The following PNMA8A variants were observed in gnomAD, a reference collection of about 807,000 sequenced individuals.
PNMA8A encodes the protein PNMA family member 8A.
In PNMA8A, 17 loss-of-function variants were observed where a neutral mutation model predicts 26.6. That is an observed-to-expected ratio of 0.64 (90% confidence interval 0.44 to 0.96). PNMA8A has a LOEUF of 0.96. PNMA8A is among the 40% of genes least tolerant of loss of function. The probability of loss-of-function intolerance (pLI) is 0.00; values close to 1 mark genes in which losing one functional copy is unlikely to be tolerated. For missense variants in PNMA8A, 532 were observed against 488.4 expected, an observed-to-expected ratio of 1.09 and a Z score of -0.84; for synonymous variants, 224 against 182.0, an observed-to-expected ratio of 1.23 and a Z score of -1.86.
rs760337865 is a variant in PNMA8A at position 46,470,126 on chromosome 19, T to C, written c.910A>G (p.Lys304Glu). The C allele has an allele frequency of 4.7e-5, 76 of 1,609,504 alleles. No individual in the cohort carries two copies. The highest frequency in any genetic ancestry group is 4.8e-5 in the Non-Finnish European group (56 of 1,178,152). The change falls in exon 2 of 3, where the codon AAG (lysine) becomes GAG (glutamate). Residue 304 changes from lysine (K) to glutamate (E), a missense_variant. By Grantham distance (56) the Lys-to-Glu change is moderately conservative. Coordinates refer to ENST00000313683, the MANE Select transcript of PNMA8A (RefSeq NM_018215.4). Reference protein sequence around the residue: ...PCVNKEELALKKPMAKCAWKG... With the variant: ...PCVNKEELALEKPMAKCAWKG... ...CAGGCACATTTCGCCATGGGCTTCT[T>C]CAAAGCCAACTCCTCCTTATTCACA...
In PNMA8A at chr19:46,466,674, A is replaced by G. The variant is rs1285216375; in HGVS notation, c.*1887T>C. On this transcript the variant is annotated 3_prime_UTR_variant, in exon 3 of 3. Transcript: ENST00000313683. ...CACCCCTGGGTTTCGCTTGGCACACACCCCAGGAGAACGTCGATGCACACA... is the reference window on the plus strand; with the variant it reads ...CACCCCTGGGTTTCGCTTGGCACACGCCCCAGGAGAACGTCGATGCACACA... The G allele has an allele frequency of 6.6e-6, 1 of 152,018 alleles. No homozygotes were observed. Among genetic ancestry groups the G allele is most frequent in the Non-Finnish European group, 1.5e-5 (1 of 68,010 alleles). The allele number at this position is 152,018 out of a possible 1,614,324, so 9.4% of individuals were successfully genotyped here.
rs770925641 is a variant in PNMA8A at position 46,470,170 on chromosome 19, T to C, written c.866A>G (p.Lys289Arg). Residue 289 changes from lysine (K) to arginine (R), a missense_variant, in exon 2 of 3, where the codon AAG becomes AGG. By Grantham distance (26) the Lys-to-Arg change is conservative. Coordinates refer to ENST00000313683, the MANE Select transcript of PNMA8A (RefSeq NM_018215.4). The part of the protein sequence containing the change: ...AESMAISEPI[K>R]GSRKPCVNKE... ...ATTCACACAGGGCTTTCTGCTGCCC[T>C]TGATCGGCTCTGAGATCGCCATGCT... 1.9e-6 allele frequency: 3 copies of C among 1,614,176 alleles called. No homozygotes were observed. Among genetic ancestry groups the C allele is most frequent in the South Asian group, 2.2e-5 (2 of 91,074 alleles).
chr19:46,469,962 G>T lies in PNMA8A; in HGVS notation c.1074C>A (p.Pro358=). 1 of 1,613,516 alleles carries T rather than the reference G, an allele frequency of 6.2e-7. No individual in the cohort carries two copies. Among genetic ancestry groups the T allele is most frequent in the Non-Finnish European group, 8.5e-7 (1 of 1,179,780 alleles). ...CCTTCTTCTTCTTCCTCATGGGAGC[G>T]GGGTTCTTGGCAGACACCCAGGCCA... ...KAVAWVSAKN[P]APMRKKKKVS... Residue 358 remains proline, a synonymous_variant, in exon 2 of 3, where the codon CCC becomes CCA. Transcript: ENST00000313683.
rs1166618960 is a variant in PNMA8A, at chr19:46,471,107, C to G, written c.-72G>C. ...GACGTGGGCTGCAGCGGTCTCCAAA[C>G]AGTAATCCTGCAAGGTGACAAGGGA... On this transcript the variant is annotated 5_prime_UTR_variant, in exon 2 of 3. Coordinates refer to ENST00000313683, the MANE Select transcript of PNMA8A (RefSeq NM_018215.4). 2 of 667,710 alleles carry G rather than the reference C, an allele frequency of 3.0e-6. No individual in the cohort carries two copies. The highest frequency in any genetic ancestry group is 5.4e-6 in the Non-Finnish European group (2 of 367,452). 41.4% of individuals were successfully genotyped at this position (667,710 alleles called of 1,614,324 possible).
Position 46,470,043 on chromosome 19 carries a change from G to GCCTCCTCCTGGCGCCT in PNMA8A, c.992_993insAGGCGCCAGGAGGAGG (p.Ala332GlyfsTer8). 6.3e-7 allele frequency: 1 copy of GCCTCCTCCTGGCGCCT among 1,594,386 alleles called. No homozygotes were observed. The highest frequency in any genetic ancestry group is 1.1e-5 in the South Asian group (1 of 87,416). On this transcript the variant is annotated frameshift_variant, in exon 2 of 3. Coordinates refer to ENST00000313683, the MANE Select transcript of PNMA8A (RefSeq NM_018215.4). LOFTEE classifies it high-confidence loss of function. ...CACCATCTTGGTCTGACTCAGAGGC[G>GCCTCCTCCTGGCGCCT]CCTCCTGGGCTCTCGGCTTCTGCCC...
At chr19:46,468,848 C>T (rs1969743562) in intron 2 of PNMA8A, among the ~76,000 whole-genome samples, 1 of 152,122 alleles carries the variant, frequency 6.6e-6, no homozygotes, top group Non-Finnish European at 1.5e-5. Flanking sequence ...CTCCACCTCC[C>T]AGGTTCAGGG....
chr19:46,469,565 CCCT>C (rs1476160578), intron 2 of PNMA8A, among the ~76,000 whole-genome samples, 165 bp downstream of exon 2: 2 of 152,258 alleles, frequency 1.3e-5, no homozygotes, highest in East Asian at 3.9e-4. Context: ...TGGGCTCTTA[CCCT>C]CCTCAACTGG....
intron 1 of PNMA8A, 78 bp downstream of exon 1, chr19:46,471,259 C>G (rs1183432394): frequency 1.9e-5 from 9 of 465,404 alleles, no homozygotes; most frequent in Non-Finnish European, 3.4e-5. Flanking sequence ...GGTGCTCACA[C>G]GTGTCCCTGA....
rs1398117211 is a variant in PNMA8A at position 46,470,084 on chromosome 19, G to A, written c.952C>T (p.Pro318Ser). 8 of 1,592,712 alleles carry A rather than the reference G, an allele frequency of 5.0e-6. No individual in the cohort carries two copies. The South Asian group carries it at 9.2e-5, about 18-fold the overall frequency. The stretch of plus-strand genomic sequence containing the variant: ...GCTTCTGCCCGGGCATCCTGAGGTG[G>A]CTCTCTGGGACCCTTCCAGGCACAT... ...AKCAWKGPRE[P>S]PQDARAEAES... is the part of the protein sequence containing the mutation. Residue 318 changes from proline (P) to serine (S), a missense_variant, in exon 2 of 3, where the codon CCA becomes TCA. Physicochemically the swap from Pro to Ser is moderately conservative, Grantham distance 74 (BLOSUM62 -1). Coordinates refer to ENST00000313683, the MANE Select transcript of PNMA8A (RefSeq NM_018215.4).
rs1179705472 is a variant in PNMA8A, at chr19:46,468,158, C to G, written c.*403G>C. The G allele has an allele frequency of 1.1e-5, 2 of 184,666 alleles. No individual in the cohort carries two copies. Among genetic ancestry groups the G allele is most frequent in the African/African-American group, 4.7e-5 (2 of 42,868 alleles). 11.4% of individuals were successfully genotyped at this position (184,666 alleles called of 1,614,324 possible). On this transcript the variant is annotated 3_prime_UTR_variant, in exon 3 of 3. Transcript: ENST00000313683. ...CAGGGCCACCCAGCTCTTCCAAATG[C>G]CAGGGCCTGCAGAGGTCGCTGACCA...
rs116692630 is a variant in PNMA8A at position 46,470,268 on chromosome 19, G to A, written c.768C>T (p.Pro256=). 301 of 1,613,808 alleles carry A rather than the reference G, an allele frequency of 1.9e-4. 1 individual carries two copies. The highest frequency in any genetic ancestry group is 1.6e-3 in the South Asian group (150 of 91,080). ...QKKNSRQEAV[P]WKKPKGINSN... ...AATTGATGCCTTTGGGTTTTTTCCA[G>A]GGCACTGCTTCCTGCCTGGAGTTCT... The change falls in exon 2 of 3, where the codon CCC becomes CCT. Residue 256 remains proline, a synonymous_variant. Coordinates refer to ENST00000313683, the MANE Select transcript of PNMA8A (RefSeq NM_018215.4).
Position 46,470,873 on chromosome 19 carries a change from C to T in PNMA8A, c.163G>A (p.Val55Met), listed in dbSNP as rs746016761. The T allele has an allele frequency of 9.0e-6, 7 of 781,080 alleles. No individual in the cohort carries two copies. The highest frequency in any genetic ancestry group is 1.7e-5 in the Non-Finnish European group (7 of 418,172). The allele number at this position is 781,080 out of a possible 1,614,324, so 48.4% of individuals were successfully genotyped here. The change falls in exon 2 of 3, where the codon GTG becomes ATG. Residue 55 changes from valine to methionine, a missense_variant. Physicochemically the swap from Val to Met is conservative, Grantham distance 21. Transcript: ENST00000313683. ...TCCCTCACAAAAATCTTGTTGAGCA[C>T]GCGGTACGGGCCCAGTGGGGAGAGG... ...GVLSPLGPYRVLNKIFVREEN... is the reference protein window; with the variant it reads ...GVLSPLGPYRMLNKIFVREEN...
chr19:46,470,828 G>C lies in PNMA8A; in HGVS notation c.208C>G (p.Leu70Val), dbSNP rs767071991. The change falls in exon 2 of 3, where the codon CTC (leucine) becomes GTC (valine). Residue 70 changes from leucine to valine, a missense_variant. Coordinates refer to ENST00000313683, the MANE Select transcript of PNMA8A (RefSeq NM_018215.4). Reference protein sequence around the residue: ...FVREENVKAALIEVGEGVNLS... With the variant: ...FVREENVKAAVIEVGEGVNLS... ...TTCACACCTTCACCAACCTCAATGA[G>C]GGCAGCTTTAACATTCTCTTCCCTC... The C allele has an allele frequency of 3.8e-6, 3 of 781,252 alleles. No homozygotes were observed. Among genetic ancestry groups the C allele is most frequent in the Non-Finnish European group, 7.2e-6 (3 of 418,438 alleles). The allele number at this position is 781,252 out of a possible 1,614,324, so 48.4% of individuals were successfully genotyped here.
Position 46,469,841 on chromosome 19 carries a change from C to G in PNMA8A, c.1195G>C (p.Ala399Pro). The G allele has an allele frequency of 6.2e-7, 1 of 1,614,256 alleles. No individual in the cohort carries two copies. The highest frequency in any genetic ancestry group is 8.5e-7 in the Non-Finnish European group (1 of 1,180,048). Residue 399 changes from alanine (A) to proline (P), a missense_variant, in exon 2 of 3, where the codon GCA (alanine) becomes CCA (proline). Transcript: ENST00000313683. The part of the protein sequence containing the change: ...PKKGPGSRRE[A>P]SDQKAPRGQQ... ...CCCCGAGGGGCCTTCTGATCTGATG[C>G]CTCCCTTCTTGAGCCTGGCCCTTTC...
intron 1 of PNMA8A, 56 bp from the exon 2 acceptor site, chr19:46,471,170 G>A: frequency 1.7e-6 from 1 of 589,598 alleles, no homozygotes; most frequent in Non-Finnish European, 3.0e-6. Context: ...CAAGCTCACA[G>A]ATCCTAGCTG....
chr19:46,468,720 T>C (rs1969740846), intron 2 of PNMA8A, 143 bp from the exon 3 acceptor site: 1 of 637,970 alleles, frequency 1.6e-6, no homozygotes, highest in African/African-American at 1.8e-5. Context: ...TAAAGCCACA[T>C]ACCCTGCAAA....
intron 2 of PNMA8A, 107 bp downstream of exon 2, chr19:46,469,626 C>T: frequency 7.8e-7 from 1 of 1,288,966 alleles, no homozygotes; most frequent in Non-Finnish European, 1.0e-6. Flanking sequence ...TCATCACCCG[C>T]TTGACCCACC....
rs554105663 is a variant in PNMA8A, at chr19:46,470,289, GTTC to G, written c.744_746del (p.Lys248del). The G allele has an allele frequency of 1.5e-4, 246 of 1,613,846 alleles. No individual in the cohort carries two copies. In the East Asian group the frequency reaches 3.1e-3, roughly 20 times the overall value. On this transcript the variant is annotated inframe_deletion, in exon 2 of 3. Coordinates refer to ENST00000313683, the MANE Select transcript of PNMA8A (RefSeq NM_018215.4). The stretch of plus-strand genomic sequence containing the variant: ...TCCAGGGCACTGCTTCCTGCCTGGA[GTTC>G]TTCTTCTGCTTCTTTCTCCTGGAGC...
At chr19:46,468,763 G>A (rs768583178) in intron 2 of PNMA8A, among the ~76,000 whole-genome samples, 186 bp from the exon 3 acceptor site, 2 of 151,820 alleles carry the variant, frequency 1.3e-5, no homozygotes, top group African/African-American at 2.4e-5. Flanking sequence ...TATTTTTTTT[G>A]GGGGGAGGGG....
Sources: gnomAD v4.1 joint callset for allele counts (sites outside exome capture counted in the v4.1 genomes callset) on GRCh38, gnomAD v4.1.1 for gene constraint, MANE v1.5 for transcripts, NCBI Gene and HGNC (gene_info 2026-07-23, HGNC 2026-07-21) for gene names.